FMN2: variants seen among roughly 807,000 people sequenced by gnomAD.
FMN2 encodes formin 2.
Under a neutral mutation model 142.3 loss-of-function variants are expected in FMN2, and 51 were observed. The ratio of observed to expected loss-of-function variants is 0.36; its 90% CI spans 0.29 to 0.45. The LOEUF (loss-of-function observed/expected upper bound fraction) is 0.45, where lower values mean the gene tolerates loss of function less well. FMN2 is among the 20% of genes least tolerant of loss of function. FMN2 has a pLI of 1.00. For missense variants in FMN2, 1,936 were observed against 2,122.8 expected (o/e 0.91, Z 1.73); for synonymous variants, 882 against 869.8 (o/e 1.01, Z -0.25).
At chr1:240,183,598 T>C (rs991738779) in intron 3 of FMN2, among the ~76,000 whole-genome samples, 2 of 151,692 alleles carry the variant, frequency 1.3e-5, no homozygotes, top group African/African-American at 2.4e-5. Flanking sequence ...TTTCATAAAA[T>C]TGGCCTTGAT....
At chr1:240,244,772 G>T (rs1369864956) in intron 6 of FMN2, among the ~76,000 whole-genome samples, 1 of 152,148 alleles carries the variant, frequency 6.6e-6, no homozygotes, top group Non-Finnish European at 1.5e-5. Context: ...TGACTTTTCA[G>T]AAGGTTGAGC....
chr1:240,190,268 G>A (rs930794833), intron 4 of FMN2, among the ~76,000 whole-genome samples: 30 of 152,288 alleles, frequency 2.0e-4, no homozygotes, highest in African/African-American at 6.7e-4. Context: ...TGAAGTGTCT[G>A]GAAGTCAGGA....
intron 16 of FMN2, among the ~76,000 whole-genome samples, chr1:240,450,035 T>C (rs56278089): frequency 0.38 from 57,729 of 151,850 alleles, 11,917 homozygotes; most frequent in Admixed American, 0.45. Flanking sequence ...CTCAAAGTTA[T>C]AAGTATTCTT....
At chr1:240,174,588 G>A (rs1444100690) in intron 2 of FMN2, among the ~76,000 whole-genome samples, 2 of 152,150 alleles carry the variant, frequency 1.3e-5, no homozygotes, top group East Asian at 3.9e-4. Flanking sequence ...CTGGTCTTGA[G>A]CTCCTGGGCT....
chr1:240,125,105 C>T (rs183105999), intron 2 of FMN2, among the ~76,000 whole-genome samples: 80 of 152,272 alleles, frequency 5.3e-4, no homozygotes, highest in Admixed American at 2.7e-3. Flanking sequence ...GGTCAAGATA[C>T]GATAATAAAT....
chr1:240,218,655 A>G (rs1039996416), intron 6 of FMN2, among the ~76,000 whole-genome samples: 23 of 152,026 alleles, frequency 1.5e-4, no homozygotes, highest in African/African-American at 5.6e-4. Flanking sequence ...TATTGCGGAG[A>G]GCCCTCTTTA....
chr1:240,443,456 G>C (rs1675693948), intron 16 of FMN2, among the ~76,000 whole-genome samples: 1 of 152,200 alleles, frequency 6.6e-6, no homozygotes. Context: ...AGGCATGGTG[G>C]CTCATACCTG....
intron 6 of FMN2, among the ~76,000 whole-genome samples, chr1:240,220,335 C>T (rs1667056611): frequency 6.6e-6 from 1 of 152,130 alleles, no homozygotes; most frequent in South Asian, 2.1e-4. Context: ...GCCAAGAAGA[C>T]CATAGTTCTC....
chr1:240,149,723 T>A (rs1663681747), intron 2 of FMN2, among the ~76,000 whole-genome samples: 1 of 152,216 alleles, frequency 6.6e-6, no homozygotes, highest in Admixed American at 6.5e-5. Flanking sequence ...CTCAGAACAG[T>A]ATTCATTTCC....
intron 15 of FMN2, among the ~76,000 whole-genome samples, chr1:240,414,831 GT>G (rs2103131264): frequency 6.6e-6 from 1 of 152,284 alleles, no homozygotes; most frequent in African/African-American, 2.4e-5. Flanking sequence ...TGGTGGCAGA[GT>G]TTTATATCTA....
At chr1:240,262,886 G>A (rs544582386) in intron 7 of FMN2, among the ~76,000 whole-genome samples, 2 of 146,490 alleles carry the variant, frequency 1.4e-5, no homozygotes. Context: ...TCAGCCCCCC[G>A]AGTAGCTGGG....
At chr1:240,306,053 G>C (rs984836477) in intron 8 of FMN2, among the ~76,000 whole-genome samples, 1 of 151,194 alleles carries the variant, frequency 6.6e-6, no homozygotes, top group African/African-American at 2.4e-5. Context: ...GGGTTCAAGT[G>C]ATTCTCCTGC....
intron 15 of FMN2, among the ~76,000 whole-genome samples, chr1:240,414,576 C>T (rs1362131656): frequency 6.6e-6 from 1 of 152,130 alleles, no homozygotes; most frequent in East Asian, 1.9e-4. Context: ...AATAATTTGT[C>T]CCTTTTTTCT....
At chr1:240,158,966 TAAG>T (rs933942876) in intron 2 of FMN2, among the ~76,000 whole-genome samples, 11 of 152,168 alleles carry the variant, frequency 7.2e-5, no homozygotes, top group African/African-American at 2.4e-4. Context: ...CTGGAACCAA[TAAG>T]AAGATTTGAG....
chr1:240,285,727 T>C (rs894958653), intron 7 of FMN2, among the ~76,000 whole-genome samples: 5 of 151,946 alleles, frequency 3.3e-5, no homozygotes, highest in Non-Finnish European at 7.4e-5. Flanking sequence ...CTGCCAAGGG[T>C]TGAGAAATGT....
chr1:240,203,306 T>A (rs1380194482), intron 4 of FMN2, among the ~76,000 whole-genome samples: 2 of 152,202 alleles, frequency 1.3e-5, no homozygotes, highest in African/African-American at 4.8e-5. Flanking sequence ...ACCCCATTAC[T>A]GGATATGTAC....
intron 14 of FMN2, among the ~76,000 whole-genome samples, chr1:240,357,938 C>G (rs1327186898): frequency 8.4e-6 from 1 of 119,258 alleles, no homozygotes; most frequent in Non-Finnish European, 1.6e-5. Flanking sequence ...TGTTATGAAA[C>G]TCAGATATTA....
chr1:240,236,519 G>A (rs993217914), intron 6 of FMN2, among the ~76,000 whole-genome samples: 1 of 152,172 alleles, frequency 6.6e-6, no homozygotes, highest in Non-Finnish European at 1.5e-5. Context: ...TTTGGCTCAT[G>A]GTTCTGTAGA....
intron 15 of FMN2, among the ~76,000 whole-genome samples, chr1:240,423,817 C>T (rs1674850121): frequency 6.6e-6 from 1 of 152,164 alleles, no homozygotes; most frequent in Non-Finnish European, 1.5e-5. Context: ...CACAGTGTCT[C>T]AAAATAGCCA....
Sources: allele counts gnomAD v4.1 joint callset (sites outside exome capture counted in the v4.1 genomes callset), GRCh38; gene constraint gnomAD v4.1.1; transcripts MANE v1.5; gene names NCBI Gene and HGNC (gene_info 2026-07-23, HGNC 2026-07-21).